MYO9A: variants seen among roughly 807,000 people sequenced by gnomAD.
MYO9A encodes the protein unconventional myosin-IXa.
Under a neutral mutation model 293.3 loss-of-function variants are expected in MYO9A, and 103 were observed. The observed-to-expected ratio is 0.35, with a 90% CI of 0.30 to 0.41. MYO9A has a LOEUF of 0.41. Ranked by LOEUF, MYO9A falls within the 10% of genes least tolerant of loss-of-function variation. MYO9A has a pLI of 1.00. For missense variants in MYO9A, 2,685 were observed against 3,033.0 expected (o/e 0.89, Z 2.69); for synonymous variants, 1,001 against 1,035.7 (o/e 0.97, Z 0.64).
intron 38 of MYO9A, 73 bp from the exon 39 acceptor site, chr15:71,849,041 T>C (rs2055515594): frequency 3.6e-6 from 5 of 1,397,468 alleles, no homozygotes; most frequent in Non-Finnish European, 3.8e-6. Flanking sequence ...CAGACTGTTT[T>C]TGTGGTAGAC....
Position 71,825,392 on chromosome 15 carries a change from G to C in MYO9A, c.*1188C>G, listed in dbSNP as rs1421606819. On this transcript the variant is annotated 3_prime_UTR_variant, in exon 42 of 42. Coordinates refer to ENST00000356056, the MANE Select transcript of MYO9A (RefSeq NM_006901.4). The stretch of plus-strand genomic sequence containing the variant: ...TATTTACAATAAACTTCAGTAACCA[G>C]AATATTAACAAAAATAGCTTCAAGT... The C allele has an allele frequency of 6.6e-6, 1 of 152,170 alleles. No individual in the cohort carries two copies. Among genetic ancestry groups the C allele is most frequent in the Non-Finnish European group, 1.5e-5 (1 of 68,038 alleles). 9.4% of individuals were successfully genotyped at this position (152,170 alleles called of 1,614,324 possible).
intron 1 of MYO9A, among the ~76,000 whole-genome samples, chr15:72,083,176 T>C (rs2079606846): frequency 6.6e-6 from 1 of 152,146 alleles, no homozygotes; most frequent in Non-Finnish European, 1.5e-5. Flanking sequence ...ATGGGCTATT[T>C]ATTACTGATT....
chr15:72,082,756 C>G (rs2079588519), intron 1 of MYO9A, among the ~76,000 whole-genome samples: 1 of 151,644 alleles, frequency 6.6e-6, no homozygotes, highest in Non-Finnish European at 1.5e-5. Flanking sequence ...TGAATTTTAT[C>G]AAAATTCTTT....
chr15:72,063,471 A>G (rs1357250593), intron 1 of MYO9A, among the ~76,000 whole-genome samples: 2 of 152,214 alleles, frequency 1.3e-5, no homozygotes, highest in Non-Finnish European at 2.9e-5. Flanking sequence ...AACTCACAGA[A>G]TGGGAGAAAA....
chr15:71,963,238 C>T (rs1446628546), intron 13 of MYO9A, among the ~76,000 whole-genome samples: 2 of 152,054 alleles, frequency 1.3e-5, no homozygotes, highest in African/African-American at 4.8e-5. Flanking sequence ...CACACACCAC[C>T]ATGCCCAGCT....
At chr15:71,928,926 C>G (rs2058400005) in intron 18 of MYO9A, among the ~76,000 whole-genome samples, 1 of 150,992 alleles carries the variant, frequency 6.6e-6, no homozygotes, top group Non-Finnish European at 1.5e-5. Context: ...AATTTAATAG[C>G]CAGATGTGGT....
chr15:71,932,073 G>A (rs571587902), intron 18 of MYO9A, among the ~76,000 whole-genome samples: 3 of 152,156 alleles, frequency 2.0e-5, no homozygotes, highest in African/African-American at 4.8e-5. Flanking sequence ...GCCAAGTTCC[G>A]TTAGTACCTC....
intron 6 of MYO9A, among the ~76,000 whole-genome samples, chr15:72,014,944 A>C (rs1359391558): frequency 6.6e-6 from 1 of 151,710 alleles, no homozygotes; most frequent in Non-Finnish European, 1.5e-5. Flanking sequence ...CCTGGGATCA[A>C]GTGATTCTCT....
intron 3 of MYO9A, among the ~76,000 whole-genome samples, chr15:72,031,737 A>T (rs551761297): frequency 8.9e-4 from 129 of 144,308 alleles, no homozygotes; most frequent in South Asian, 6.9e-3. Flanking sequence ...TAGTCTATTT[A>T]AAAAAAAAAA....
chr15:72,074,874 G>A (rs1035512488), intron 1 of MYO9A, among the ~76,000 whole-genome samples: 2 of 148,532 alleles, frequency 1.3e-5, no homozygotes, highest in Admixed American at 1.3e-4. Flanking sequence ...TAATAGTTTA[G>A]TCCCTTTTTT....
intron 15 of MYO9A, among the ~76,000 whole-genome samples, chr15:71,945,204 C>T (rs934253534): frequency 1.3e-5 from 2 of 152,102 alleles, no homozygotes; most frequent in Admixed American, 6.6e-5. Context: ...AGCTATCAGC[C>T]AAGGCTGCAG....
At chr15:71,994,308 GAC>G (rs769662406) in intron 10 of MYO9A, among the ~76,000 whole-genome samples, 159 bp downstream of exon 10, 1 of 152,098 alleles carries the variant, frequency 6.6e-6, no homozygotes, top group East Asian at 1.9e-4. Flanking sequence ...GGTCTGGAAA[GAC>G]ACACAGAACA....
intron 2 of MYO9A, among the ~76,000 whole-genome samples, chr15:72,041,904 A>C (rs138654594): frequency 2.2e-3 from 336 of 151,902 alleles, no homozygotes; most frequent in African/African-American, 7.3e-3. Context: ...TAATAATAAT[A>C]ATCACATGAA....
intron 7 of MYO9A, 52 bp from the exon 8 acceptor site, chr15:72,008,004 C>G (rs1311829033): frequency 6.4e-7 from 1 of 1,551,402 alleles, no homozygotes; most frequent in African/African-American, 1.4e-5. Flanking sequence ...TCCCAAAGCT[C>G]ATTTCATTCT....
chr15:72,109,943 T>A (rs1490356772), intron 1 of MYO9A, among the ~76,000 whole-genome samples: 1 of 150,474 alleles, frequency 6.6e-6, no homozygotes, highest in Non-Finnish European at 1.5e-5. Flanking sequence ...TAAAAATCGT[T>A]TATAAACATG....
At chr15:72,036,543 C>T (rs549477533) in intron 2 of MYO9A, 27 of 151,822 alleles carry the variant, frequency 1.8e-4, no homozygotes, top group Non-Finnish European at 3.1e-4. Flanking sequence ...AACCAACATC[C>T]TACAATGATG....
At chr15:72,060,659 G>C (rs1325499826) in intron 1 of MYO9A, among the ~76,000 whole-genome samples, 1 of 152,194 alleles carries the variant, frequency 6.6e-6, no homozygotes, top group Non-Finnish European at 1.5e-5. Context: ...CCTAATCAGA[G>C]AGGAATTGTC....
At chr15:71,947,839 A>T (rs551587560) in intron 15 of MYO9A, among the ~76,000 whole-genome samples, 1 of 152,194 alleles carries the variant, frequency 6.6e-6, no homozygotes, top group Admixed American at 6.5e-5. Context: ...GAATGGGTTC[A>T]AATTAAAGTT....
At chr15:71,870,288 T>C (rs1420829622) in intron 32 of MYO9A, among the ~76,000 whole-genome samples, 1 of 150,246 alleles carries the variant, frequency 6.7e-6, no homozygotes, top group Non-Finnish European at 1.5e-5. Flanking sequence ...AATGGTTCCA[T>C]AGGAAAAAAG....
Sources: gnomAD v4.1 joint callset for allele counts (sites outside exome capture counted in the v4.1 genomes callset) on GRCh38, gnomAD v4.1.1 for gene constraint, MANE v1.5 for transcripts, NCBI Gene and HGNC (gene_info 2026-07-23, HGNC 2026-07-21) for gene names.